Variants in TG observed in about 807,000 individuals in gnomAD.
TG encodes the protein thyroglobulin, also known as thyroid hormones.
Under a neutral mutation model 324.7 loss-of-function variants are expected in TG, and 270 were observed. The observed-to-expected ratio is 0.83, with a 90% CI of 0.75 to 0.92. The LOEUF is 0.92. Ranked by LOEUF, TG falls within the 40% of genes least tolerant of loss-of-function variation. The pLI is 0.00. For missense variants in TG, 3,591 were observed against 3,456.4 expected (o/e 1.04, Z -0.98); for synonymous variants, 1,401 against 1,327.0 (o/e 1.06, Z -1.21).
rs185555647 is a variant in TG at position 133,005,620 on chromosome 8, C to T, written c.6263-6281C>T. On this transcript the variant is annotated intron_variant, in intron 35 of 47. Transcript: ENST00000220616. Reference sequence around the variant, plus strand: ...CATTTTATAGATAAGGAAACTGAGGCTCAGAGAAGGGGAGTGGCTTGCCCA... The same window carrying T: ...CATTTTATAGATAAGGAAACTGAGGTTCAGAGAAGGGGAGTGGCTTGCCCA... 1.4e-4 allele frequency among the ~76,000 whole-genome samples: 22 copies of T among 152,298 alleles called. 1 individual carries two copies. The highest frequency in any genetic ancestry group is 1.0e-3 in the Admixed American group (16 of 15,302).
chr8:132,898,938 G>A (rs1007713863), intron 14 of TG, 28 bp downstream of exon 14: 10 of 1,586,658 alleles, frequency 6.3e-6, no homozygotes, highest in Non-Finnish European at 8.6e-6. Context: ...CAGGATTGGA[G>A]CCGGGACTTG....
chr8:132,891,085 G>A (rs1816173150), intron 10 of TG, among the ~76,000 whole-genome samples: 1 of 152,154 alleles, frequency 6.6e-6, no homozygotes, highest in African/African-American at 2.4e-5. Flanking sequence ...GGAAAATGCG[G>A]TGGAGGGCGC....
intron 43 of TG, among the ~76,000 whole-genome samples, chr8:133,111,019 G>C (rs1232850889): frequency 1.3e-5 from 2 of 152,156 alleles, no homozygotes; most frequent in Admixed American, 1.3e-4. Flanking sequence ...GGCTCAGAGA[G>C]AGGAAAAAAT....
chr8:132,900,397 G>A (rs1817744903), intron 15 of TG, 58 bp downstream of exon 15: 1 of 1,503,964 alleles, frequency 6.6e-7, no homozygotes, highest in South Asian at 1.2e-5. Flanking sequence ...CACTGAGCGT[G>A]GAGTCCAAAG....
intron 41 of TG, among the ~76,000 whole-genome samples, chr8:133,081,235 C>T (rs1225705178): frequency 1.3e-5 from 2 of 152,238 alleles, no homozygotes; most frequent in Non-Finnish European, 2.9e-5. Flanking sequence ...GTATGTCTAA[C>T]CATGACCATG....
At chr8:133,026,827 A>G (rs1037764863) in intron 40 of TG, among the ~76,000 whole-genome samples, 1 of 152,232 alleles carries the variant, frequency 6.6e-6, no homozygotes, top group Admixed American at 6.5e-5. Context: ...AGACAAGGAC[A>G]CACTGCTAGG....
chr8:133,051,316 C>T (rs1328810694), intron 41 of TG, among the ~76,000 whole-genome samples: 5 of 152,144 alleles, frequency 3.3e-5, no homozygotes, highest in Non-Finnish European at 7.3e-5. Context: ...GTATGTTACA[C>T]CACATACGTT....
chr8:133,053,230 C>T (rs529087266), intron 41 of TG, among the ~76,000 whole-genome samples: 2 of 152,302 alleles, frequency 1.3e-5, no homozygotes, highest in Non-Finnish European at 2.9e-5. Flanking sequence ...TAAGATTTTC[C>T]TCTGAAGCGG....
chr8:132,921,947 A>G (rs1208575785), intron 21 of TG, among the ~76,000 whole-genome samples: 1 of 152,212 alleles, frequency 6.6e-6, no homozygotes, highest in Non-Finnish European at 1.5e-5. Context: ...GGGCTGCCAT[A>G]AAATATTATC....
chr8:133,120,509 C>A (rs1851057687), intron 45 of TG, among the ~76,000 whole-genome samples: 1 of 152,196 alleles, frequency 6.6e-6, no homozygotes, highest in South Asian at 2.1e-4. Flanking sequence ...CATGCTCCCC[C>A]TGTAGGTGCT....
At chr8:133,033,956 G>A (rs1054582253) in intron 41 of TG, among the ~76,000 whole-genome samples, 17 of 152,190 alleles carry the variant, frequency 1.1e-4, no homozygotes, top group African/African-American at 2.7e-4. Flanking sequence ...TTAGCACAGC[G>A]CTTGGTTCAG....
chr8:132,921,563 G>A (rs1420289486), intron 21 of TG, among the ~76,000 whole-genome samples: 1 of 152,204 alleles, frequency 6.6e-6, no homozygotes, highest in East Asian at 1.9e-4. Context: ...AGTCTGCCAA[G>A]TTTTAAATAA....
In TG at chr8:132,961,177, G is replaced by A. The variant is rs1452834027; in HGVS notation, c.5467+104G>A. On this transcript the variant is annotated intron_variant, in intron 28 of 47. Coordinates refer to ENST00000220616, the MANE Select transcript of TG (RefSeq NM_003235.5). ...GCACTCTATTTCTGTAGAGGAATAG[G>A]TAGAGAGTCACTTTCCAAATGCATA... 2.6e-6 allele frequency: 3 copies of A among 1,164,638 alleles called. No individual in the cohort carries two copies. In the South Asian group the frequency reaches 3.7e-5, roughly 14 times the overall value. 72.1% of individuals were successfully genotyped at this position (1,164,638 alleles called of 1,614,324 possible).
chr8:132,911,474 C>T lies in TG; in HGVS notation c.4100C>T (p.Thr1367Ile), dbSNP rs1168098795. 1 of 1,614,218 alleles carries T rather than the reference C, an allele frequency of 6.2e-7. No individual in the cohort carries two copies. The highest frequency in any genetic ancestry group is 8.5e-7 in the Non-Finnish European group (1 of 1,180,036). ...LTRERLGVNV[T>I]WKSRLEDIPV... ...AGGGAGCGTTTAGGAGTGAATGTTA[C>T]ATGGAAATCACGGCTTGAGGACATC... Residue 1367 changes from threonine to isoleucine, a missense_variant, in exon 19 of 48, where the codon ACA (threonine) becomes ATA (isoleucine). Physicochemically the swap from Thr to Ile is moderately conservative, Grantham distance 89. Transcript: ENST00000220616.
intron 27 of TG, among the ~76,000 whole-genome samples, chr8:132,959,226 G>T (rs1290015240): frequency 3.9e-5 from 6 of 152,220 alleles, no homozygotes; most frequent in Admixed American, 3.9e-4. Flanking sequence ...AGAGAGTTCA[G>T]TTCACACCTC....
chr8:133,098,837 C>T (rs562168226), intron 43 of TG, among the ~76,000 whole-genome samples: 7 of 152,186 alleles, frequency 4.6e-5, no homozygotes, highest in African/African-American at 9.6e-5. Flanking sequence ...TGATTATGCC[C>T]GTTCATTGTG....
In TG at chr8:133,022,023, C is replaced by T. The variant is rs779689604; in HGVS notation, c.6909C>T (p.His2303=). Residue 2303 remains histidine (H), a synonymous_variant, in exon 40 of 48, where the codon CAC becomes CAT. Coordinates refer to ENST00000220616, the MANE Select transcript of TG (RefSeq NM_003235.5). ...ACGCGTCTGTGCTGGTGTTCTTCCACAACACCATGGACAGGGAGGAGAGTG... is the reference window on the plus strand; with the variant it reads ...ACGCGTCTGTGCTGGTGTTCTTCCATAACACCATGGACAGGGAGGAGAGTG... ...APNASVLVFF[H]NTMDREESEG... The T allele has an allele frequency of 6.2e-7, 1 of 1,614,200 alleles. No individual in the cohort carries two copies. Among genetic ancestry groups the T allele is most frequent in the Non-Finnish European group, 8.5e-7 (1 of 1,180,028 alleles).
rs530877711 is a variant in TG, at chr8:132,945,636, G to A, written c.5234-3140G>A. ...TGTGGATATGAATGCAGTTTTCTAG[G>A]AGGAGGGTGCAGAATGAGGAGATAA... On this transcript the variant is annotated intron_variant, in intron 26 of 47. Transcript: ENST00000220616. Among the ~76,000 whole-genome samples the A allele has an allele frequency of 1.2e-4, 18 of 152,262 alleles. No individual in the cohort carries two copies. The South Asian group carries it at 3.7e-3, about 32-fold the overall frequency.
At chr8:133,009,458 T>G (rs1191532006) in intron 35 of TG, among the ~76,000 whole-genome samples, 1 of 152,152 alleles carries the variant, frequency 6.6e-6, no homozygotes, top group Non-Finnish European at 1.5e-5. Context: ...ACCTTCCTCT[T>G]GCCGGGCCTG....
Sources: allele counts gnomAD v4.1 joint callset (sites outside exome capture counted in the v4.1 genomes callset), GRCh38; gene constraint gnomAD v4.1.1; transcripts MANE v1.5; gene names NCBI Gene and HGNC (gene_info 2026-07-23, HGNC 2026-07-21).